Variants in TCF12 observed in about 807,000 individuals in gnomAD.
TCF12 encodes DNA-binding protein HTF4.
Under a neutral mutation model 86.0 loss-of-function variants are expected in TCF12, and 45 were observed. The ratio of observed to expected loss-of-function variants is 0.52; its 90% CI spans 0.41 to 0.67. The LOEUF is 0.67. TCF12 is among the 30% of genes least tolerant of loss of function. The pLI, the probability that TCF12 is intolerant of heterozygous loss-of-function variation, is 0.00. For missense variants in TCF12, 881 were observed against 859.9 expected (o/e 1.02, Z -0.31); for synonymous variants, 330 against 299.6 (o/e 1.10, Z -1.05).
intron 6 of TCF12, among the ~76,000 whole-genome samples, chr15:57,180,806 ATTTTTTT>A (rs34557385): frequency 6.1e-5 from 5 of 82,126 alleles, no homozygotes; most frequent in East Asian, 7.4e-4. Context: ...GATGCTAATA[ATTTTTTT>A]TTTTTTTTTT....
chr15:57,134,844 G>GA (rs1277932360), intron 5 of TCF12, among the ~76,000 whole-genome samples: 1 of 150,336 alleles, frequency 6.7e-6, no homozygotes, highest in Non-Finnish European at 1.5e-5. Flanking sequence ...CTTGCTTAGG[G>GA]AAAAAAATCT....
intron 4 of TCF12, among the ~76,000 whole-genome samples, chr15:57,078,069 T>C (rs1293703640): frequency 6.6e-6 from 1 of 152,158 alleles, no homozygotes; most frequent in Non-Finnish European, 1.5e-5. Flanking sequence ...TAAAACTTAG[T>C]TGTGATGATC....
At chr15:56,973,007 A>G (rs2062415336) in intron 3 of TCF12, among the ~76,000 whole-genome samples, 1 of 152,132 alleles carries the variant, frequency 6.6e-6, no homozygotes, top group African/African-American at 2.4e-5. Context: ...GTTCTGTGGT[A>G]TACCAGGATT....
intron 4 of TCF12, among the ~76,000 whole-genome samples, chr15:57,084,335 A>C (rs1014106795): frequency 7.2e-5 from 11 of 152,168 alleles, no homozygotes; most frequent in Non-Finnish European, 1.5e-4. Context: ...TGAACACGAC[A>C]GTGGAATTAT....
chr15:56,976,100 G>C (rs2140819793), intron 3 of TCF12, among the ~76,000 whole-genome samples: 1 of 152,068 alleles, frequency 6.6e-6, no homozygotes, highest in South Asian at 2.1e-4. Context: ...ACTGGTGGAG[G>C]ATGCTAATGA....
chr15:57,282,365 A>T, intron 19 of TCF12, 80 bp from the exon 20 acceptor site: 1 of 1,559,970 alleles, frequency 6.4e-7, no homozygotes, highest in Non-Finnish European at 8.8e-7. Flanking sequence ...AGTTACACAA[A>T]ACAACAGCAA....
rs549430854 is a variant in TCF12 at position 56,998,973 on chromosome 15, C to T, written c.149-64777C>T. Among the ~76,000 whole-genome samples the T allele has an allele frequency of 1.3e-4, 20 of 151,888 alleles. No individual in the cohort carries two copies. The South Asian group carries it at 1.7e-3, about 13-fold the overall frequency. On this transcript the variant is annotated intron_variant, in intron 3 of 20. Transcript: ENST00000333725. ...TAGCACTTTGGGAGGCCGAGACGGG[C>T]GGATCATGAGGTCAGGAGATCGAGA...
intron 5 of TCF12, among the ~76,000 whole-genome samples, chr15:57,141,040 A>G (rs1480710682): frequency 1.3e-5 from 2 of 152,164 alleles, no homozygotes; most frequent in Non-Finnish European, 2.9e-5. Context: ...CAGTCTCTAT[A>G]TAATTTTCCC....
chr15:57,164,812 C>T (rs1406015239), intron 5 of TCF12, among the ~76,000 whole-genome samples: 4 of 152,174 alleles, frequency 2.6e-5, no homozygotes, highest in African/African-American at 9.7e-5. Context: ...TCTCGAGTAG[C>T]TGGGCTAACA....
intron 4 of TCF12, among the ~76,000 whole-genome samples, chr15:57,077,979 T>A (rs1382399820): frequency 6.6e-6 from 1 of 152,190 alleles, no homozygotes; most frequent in African/African-American, 2.4e-5. Context: ...TTATTCGATA[T>A]ATAGGTTAAT....
intron 5 of TCF12, among the ~76,000 whole-genome samples, chr15:57,154,851 T>C (rs1192317067): frequency 6.6e-6 from 1 of 152,232 alleles, no homozygotes; most frequent in Non-Finnish European, 1.5e-5. Flanking sequence ...ATTTAAGATA[T>C]ATATAGTCAA....
At chr15:57,219,526 A>G in intron 8 of TCF12, 3 of 1,612,654 alleles carry the variant, frequency 1.9e-6, no homozygotes, top group Non-Finnish European at 2.5e-6. Context: ...ATCAACATGT[A>G]TTGTGCTTAT....
chr15:57,003,009 C>G (rs1033267209), intron 3 of TCF12, among the ~76,000 whole-genome samples: 17 of 152,302 alleles, frequency 1.1e-4, no homozygotes, highest in African/African-American at 4.1e-4. Flanking sequence ...AGGTTAACAG[C>G]AAACTTAGAA....
At chr15:57,042,773 G>A (rs1289045037) in intron 3 of TCF12, among the ~76,000 whole-genome samples, 3 of 151,806 alleles carry the variant, frequency 2.0e-5, no homozygotes, top group African/African-American at 7.3e-5. Context: ...TTTTATTGTG[G>A]TTAAAAAAAT....
At chr15:56,947,389 T>G (rs1269305819) in intron 3 of TCF12, among the ~76,000 whole-genome samples, 1 of 152,176 alleles carries the variant, frequency 6.6e-6, no homozygotes, top group African/African-American at 2.4e-5. Context: ...CGTAGCTTCC[T>G]CCTCTAGACC....
At chr15:56,937,684 G>T (rs2060529461) in intron 3 of TCF12, among the ~76,000 whole-genome samples, 1 of 152,002 alleles carries the variant, frequency 6.6e-6, no homozygotes, top group Non-Finnish European at 1.5e-5. Context: ...CTGTGGGTTT[G>T]TCATAGGTGG....
chr15:56,999,473 T>G (rs1379825823), intron 3 of TCF12, among the ~76,000 whole-genome samples: 2 of 152,194 alleles, frequency 1.3e-5, no homozygotes, highest in East Asian at 3.8e-4. Context: ...AAAAACTCTA[T>G]GCACATAAAT....
chr15:56,937,480 T>G (rs2060520326), intron 3 of TCF12, among the ~76,000 whole-genome samples: 1 of 151,910 alleles, frequency 6.6e-6, no homozygotes, highest in East Asian at 1.9e-4. Flanking sequence ...GTTTTCTAAG[T>G]GTACGATCAT....
At chr15:57,075,391 T>G (rs778494492) in intron 4 of TCF12, among the ~76,000 whole-genome samples, 1 of 152,206 alleles carries the variant, frequency 6.6e-6, no homozygotes. Flanking sequence ...ATGTTTTTTT[T>G]CCCAGCTCCT....
Sources: allele counts gnomAD v4.1 joint callset (sites outside exome capture counted in the v4.1 genomes callset), GRCh38; gene constraint gnomAD v4.1.1; transcripts MANE v1.5; gene names NCBI Gene and HGNC (gene_info 2026-07-23, HGNC 2026-07-21).